Variants in MBNL1 observed in about 807,000 individuals in gnomAD.
MBNL1 encodes the protein muscleblind-like protein 1.
A neutral mutation model predicts 42.2 loss-of-function variants in MBNL1; 8 were observed. The observed-to-expected ratio is 0.19, with a 90% CI of 0.11 to 0.34. MBNL1 has a LOEUF of 0.34. Ranked by LOEUF, MBNL1 falls within the 10% of genes least tolerant of loss-of-function variation. The pLI is 1.00. For synonymous variants in MBNL1, 169 were observed against 173.9 expected (o/e 0.97, Z 0.22); for missense variants, 309 against 495.3 (o/e 0.62, Z 3.57).
chr3:152,446,596 C>T, intron 5 of MBNL1: 1 of 749,722 alleles, frequency 1.3e-6, no homozygotes, highest in Non-Finnish European at 2.3e-6. Context: ...CTCACCTACC[C>T]AAAAATGCAC....
intron 2 of MBNL1, among the ~76,000 whole-genome samples, chr3:152,412,697 AG>A (rs1481967749): frequency 6.6e-6 from 1 of 152,060 alleles, no homozygotes; most frequent in African/African-American, 2.4e-5. Flanking sequence ...ATTTCAGTCC[AG>A]GCTATGTTCA....
chr3:152,404,367 T>C (rs2098357523), intron 2 of MBNL1, among the ~76,000 whole-genome samples: 1 of 152,186 alleles, frequency 6.6e-6, no homozygotes, highest in Non-Finnish European at 1.5e-5. Context: ...AGTGGAAATA[T>C]TGACATAGGT....
At chr3:152,294,273 T>C (rs1035168494) in intron 1 of MBNL1, among the ~76,000 whole-genome samples, 14 of 146,508 alleles carry the variant, frequency 9.6e-5, no homozygotes, top group South Asian at 2.3e-4. Context: ...TTTTAAAGTT[T>C]GATTCTTTTT....
intron 8 of MBNL1, chr3:152,458,190 A>G (rs746243919): frequency 6.2e-7 from 1 of 1,613,682 alleles, no homozygotes; most frequent in Non-Finnish European, 8.5e-7. Flanking sequence ...CAGCAGGAAA[A>G]ATGGTATGAG....
At chr3:152,259,098 G>C (rs919670987) in intron 2 of MBNL1, among the ~76,000 whole-genome samples, 2 of 152,192 alleles carry the variant, frequency 1.3e-5, no homozygotes, top group African/African-American at 4.8e-5. Flanking sequence ...TAAAGAGAGA[G>C]GTCCAAGAAA....
At chr3:152,379,440 C>CT (rs1460230923) in intron 2 of MBNL1, among the ~76,000 whole-genome samples, 1 of 152,274 alleles carries the variant, frequency 6.6e-6, no homozygotes, top group Admixed American at 6.5e-5. Flanking sequence ...ACTATTTTGA[C>CT]TATGAGTTAT....
intron 1 of MBNL1, among the ~76,000 whole-genome samples, chr3:152,280,445 C>G (rs1447128010): frequency 1.3e-5 from 2 of 152,078 alleles, no homozygotes; most frequent in African/African-American, 4.8e-5. Flanking sequence ...AAGTGTGATG[C>G]CAGCATAGTA....
intron 1 of MBNL1, among the ~76,000 whole-genome samples, chr3:152,284,741 C>G (rs563115520): frequency 6.6e-6 from 1 of 152,128 alleles, no homozygotes; most frequent in East Asian, 1.9e-4. Flanking sequence ...CAGTTTTATA[C>G]TTTTAAAGCG....
At chr3:152,292,535 T>C (rs1353073436) in intron 1 of MBNL1, among the ~76,000 whole-genome samples, 1 of 152,182 alleles carries the variant, frequency 6.6e-6, no homozygotes, top group African/African-American at 2.4e-5. Context: ...GTAAACACAA[T>C]CTTCCTTTCT....
chr3:152,248,885 G>C (rs2033834903), intron 2 of MBNL1, among the ~76,000 whole-genome samples: 2 of 150,888 alleles, frequency 1.3e-5, no homozygotes, highest in South Asian at 4.2e-4. Context: ...TTTTGTTCTT[G>C]CGATAGTTTA....
At chr3:152,306,412 A>G (rs2063150858) in intron 2 of MBNL1, among the ~76,000 whole-genome samples, 1 of 152,118 alleles carries the variant, frequency 6.6e-6, no homozygotes, top group Non-Finnish European at 1.5e-5. Flanking sequence ...ATTATTTCAA[A>G]ATTGCAATGT....
chr3:152,367,141 T>C (rs945652151), intron 2 of MBNL1, among the ~76,000 whole-genome samples: 2 of 152,166 alleles, frequency 1.3e-5, no homozygotes, highest in Admixed American at 6.5e-5. Context: ...ACCCGTCATC[T>C]ACATTAAGTA....
chr3:152,438,881 A>G (rs1267377173), intron 4 of MBNL1, among the ~76,000 whole-genome samples: 3 of 152,252 alleles, frequency 2.0e-5, no homozygotes, highest in Admixed American at 2.0e-4. Context: ...TAGGTAAACA[A>G]TGATGACTGT....
chr3:152,321,949 TCTC>T (rs374855078), intron 2 of MBNL1, among the ~76,000 whole-genome samples: 4 of 152,070 alleles, frequency 2.6e-5, no homozygotes, highest in African/African-American at 9.7e-5. Flanking sequence ...ATATCAGTAA[TCTC>T]CTAAGAGAAT....
chr3:152,368,806 TTC>T (rs1179267617), intron 2 of MBNL1, among the ~76,000 whole-genome samples: 1 of 151,674 alleles, frequency 6.6e-6, no homozygotes, highest in Non-Finnish European at 1.5e-5. Context: ...CATGATTTGG[TTC>T]TCTGTCTATT....
At chr3:152,267,166 G>C (rs1338561466), upstream of MBNL1, 1 of 152,732 alleles carries the variant, frequency 6.5e-6, no homozygotes, top group Non-Finnish European at 1.5e-5. Context: ...CTCCCTCCAT[G>C]GCCTCCCAAA....
At chr3:152,459,032 A>C (rs1739647923) in intron 8 of MBNL1, 1 of 331,994 alleles carries the variant, frequency 3.0e-6, no homozygotes, top group Non-Finnish European at 5.6e-6. Context: ...TGATAGTTTT[A>C]CTTATTTCCT....
At chr3:152,346,799 A>C (rs2094317261) in intron 2 of MBNL1, among the ~76,000 whole-genome samples, 1 of 151,832 alleles carries the variant, frequency 6.6e-6, no homozygotes, top group African/African-American at 2.4e-5. Flanking sequence ...TGGGTTGGAA[A>C]GCTCTCATGT....
At chr3:152,321,113 G>A (rs2076221404) in intron 2 of MBNL1, among the ~76,000 whole-genome samples, 1 of 152,038 alleles carries the variant, frequency 6.6e-6, no homozygotes, top group East Asian at 1.9e-4. Flanking sequence ...GAACTGAAAA[G>A]TTCTAGAGAG....
Sources: gnomAD v4.1 joint callset for allele counts (sites outside exome capture counted in the v4.1 genomes callset) on GRCh38, gnomAD v4.1.1 for gene constraint, MANE v1.5 for transcripts, NCBI Gene and HGNC (gene_info 2026-07-23, HGNC 2026-07-21) for gene names.